The following NAV2 variants were observed in gnomAD, a reference collection of about 807,000 sequenced individuals.
The protein encoded by NAV2 is neuron navigator 2, also known as helicase, APC down-regulated 1.
A neutral mutation model predicts 223.2 loss-of-function variants in NAV2; 54 were observed. The ratio of observed to expected loss-of-function variants is 0.24; its 90% CI spans 0.19 to 0.30. The LOEUF (loss-of-function observed/expected upper bound fraction) is 0.30. Ranked by LOEUF, NAV2 falls within the 10% of genes least tolerant of loss-of-function variation. NAV2 has a pLI of 1.00. For missense variants in NAV2, 2,806 were observed against 3,147.5 expected, an observed-to-expected ratio of 0.89 and a Z score of 2.60; for synonymous variants, 1,279 against 1,239.3, an observed-to-expected ratio of 1.03 and a Z score of -0.67.
intron 10 of NAV2, among the ~76,000 whole-genome samples, chr11:19,960,589 TTTTATTTA>T (rs5790101): frequency 0.031 from 4,325 of 141,676 alleles, 215 homozygotes; most frequent in African/African-American, 0.1. Context: ...TTTTTTAAAA[TTTTATTTA>T]TTTATTTATT....
At chr11:19,345,246 C>T in the NAV2 span, among the ~76,000 whole-genome samples, 2 of 152,176 alleles carry the variant, frequency 1.3e-5, no homozygotes, top group African/African-American at 2.4e-5. The surrounding 1 kb of genome is among the most constrained non-coding windows in gnomAD (Gnocchi z 5.2). Flanking sequence ...GGCTGAGAAG[C>T]GCGGGCCGGA....
chr11:19,345,663 C>T, the NAV2 span, among the ~76,000 whole-genome samples: 105 of 152,326 alleles, frequency 6.9e-4, no homozygotes, highest in African/African-American at 2.4e-3. This position sits in a 1 kb window ranked among gnomAD's most constrained non-coding sequence, Gnocchi z 5.2. Context: ...GGAAACTCTT[C>T]CCCAGCAGAT....
At chr11:19,836,425 C>T (rs1038501218) in intron 2 of NAV2, among the ~76,000 whole-genome samples, 1 of 151,858 alleles carries the variant, frequency 6.6e-6, no homozygotes, top group Non-Finnish European at 1.5e-5. Flanking sequence ...GGCGCGGTGG[C>T]GGGCGCCTGT....
intron 1 of NAV2, among the ~76,000 whole-genome samples, chr11:19,679,144 A>G (rs994017789): frequency 1.3e-5 from 2 of 152,244 alleles, no homozygotes; most frequent in African/African-American, 4.8e-5. Context: ...CAAGATTTTG[A>G]GGCTGGCTGG....
At chr11:19,894,043 G>T (rs1305583957) in intron 6 of NAV2, among the ~76,000 whole-genome samples, 1 of 152,140 alleles carries the variant, frequency 6.6e-6, no homozygotes, top group Non-Finnish European at 1.5e-5. Flanking sequence ...ATGTATTTGT[G>T]TGTGTATATA....
Position 19,892,576 on chromosome 11 carries a change from C to T in NAV2, c.913C>T (p.Pro305Ser). The change falls in exon 6 of 38, where the codon CCA becomes TCA. Residue 305 changes from proline (P) to serine (S), a missense_variant. This residue lies in a region of NAV2 where 1,167 missense variants were observed against 1,180.5 expected (regional missense o/e 0.99). Coordinates refer to ENST00000349880, the MANE Select transcript of NAV2 (RefSeq NM_145117.5). ...ACCAGTCACCTCCCCACCCCCACCGCCAAGCAGCCACGAGAAAGGTGAGTC... is the reference window on the plus strand; with the variant it reads ...ACCAGTCACCTCCCCACCCCCACCGTCAAGCAGCCACGAGAAAGGTGAGTC... ...SKPVTSPPPP[P>S]SSHEKEPLAS... The T allele has an allele frequency of 6.2e-7, 1 of 1,613,870 alleles. No individual in the cohort carries two copies. Among genetic ancestry groups the T allele is most frequent in the Non-Finnish European group, 8.5e-7 (1 of 1,179,926 alleles).
chr11:19,482,184 G>A (rs1355450806), intron 1 of NAV2, among the ~76,000 whole-genome samples: 1 of 152,112 alleles, frequency 6.6e-6, no homozygotes, highest in Non-Finnish European at 1.5e-5. Flanking sequence ...AACAACCCAA[G>A]AAGGCAAGTA....
At chr11:20,082,628 T>C (rs2060163471) in intron 25 of NAV2, 2 of 1,610,102 alleles carry the variant, frequency 1.2e-6, no homozygotes, top group South Asian at 1.1e-5. Context: ...TAATATCAGA[T>C]ACCAAGCTAA....
chr11:19,867,940 A>C (rs185276284), intron 3 of NAV2, among the ~76,000 whole-genome samples: 65 of 152,350 alleles, frequency 4.3e-4, no homozygotes, highest in African/African-American at 1.5e-3. Context: ...GTGAAGGAGC[A>C]TTGGGAAATT....
intron 1 of NAV2, among the ~76,000 whole-genome samples, chr11:19,369,723 C>G (rs945312390): frequency 1.3e-5 from 2 of 152,170 alleles, no homozygotes; most frequent in African/African-American, 2.4e-5. Context: ...CCCCAGCATA[C>G]TCTATCTGAA....
intron 5 of NAV2, among the ~76,000 whole-genome samples, chr11:19,888,732 G>A (rs932153938): frequency 3.9e-5 from 6 of 151,964 alleles, no homozygotes; most frequent in Non-Finnish European, 7.4e-5. Flanking sequence ...GCACACACCA[G>A]CTCTTTCTTT....
At chr11:19,499,328 T>C (rs2134137973) in intron 1 of NAV2, among the ~76,000 whole-genome samples, 1 of 152,348 alleles carries the variant, frequency 6.6e-6, no homozygotes, top group South Asian at 2.1e-4. Context: ...GTTGTTGTTG[T>C]TGTTTTTAAA....
At chr11:19,372,255 C>T (rs1848496789) in intron 1 of NAV2, among the ~76,000 whole-genome samples, 1 of 152,156 alleles carries the variant, frequency 6.6e-6, no homozygotes, top group Admixed American at 6.5e-5. Flanking sequence ...TCCTTTTATA[C>T]CATAGCATCT....
chr11:19,529,715 G>T (rs572138885), intron 1 of NAV2, among the ~76,000 whole-genome samples: 22 of 152,098 alleles, frequency 1.4e-4, no homozygotes, highest in Non-Finnish European at 2.5e-4. Flanking sequence ...AGTTGCTGAG[G>T]GAATAGGACA....
chr11:19,838,499 C>T (rs2060347343), intron 2 of NAV2, among the ~76,000 whole-genome samples: 1 of 152,188 alleles, frequency 6.6e-6, no homozygotes, highest in African/African-American at 2.4e-5. Context: ...CGGGCAGGGC[C>T]ACCAGGTATA....
Position 19,596,585 on chromosome 11 carries a change from C to T in NAV2, c.76-235899C>T, listed in dbSNP as rs1046553886. On this transcript the variant is annotated intron_variant, in intron 1 of 37. Coordinates refer to the NAV2 transcript ENST00000360655. ...CAGGCTGTCTGGGAGCTTGGCCAGCCTCCCACTGCCCCGGACACCAGGGCA... is the reference window on the plus strand; with the variant it reads ...CAGGCTGTCTGGGAGCTTGGCCAGCTTCCCACTGCCCCGGACACCAGGGCA... 5.3e-5 allele frequency among the ~76,000 whole-genome samples: 8 copies of T among 152,308 alleles called. 2 individuals carry two copies. The highest frequency in any genetic ancestry group is 4.6e-4 in the Admixed American group (7 of 15,302).
chr11:19,718,314 T>C (rs991726139), intron 1 of NAV2, among the ~76,000 whole-genome samples: 2 of 152,220 alleles, frequency 1.3e-5, no homozygotes, highest in Non-Finnish European at 2.9e-5. Context: ...TTAGCCTATT[T>C]TTAAGAAGCA....
At position 19,862,442 on chromosome 11, in the gene NAV2, C is replaced by T. The variant is rs548037421; in HGVS notation, c.439-6483C>T. ...AGAGCTTGAGCCGGCTTGCTGTAAACGTTGATGCTTGAATAGCCAAAGCTG... is the reference window on the plus strand; with the variant it reads ...AGAGCTTGAGCCGGCTTGCTGTAAATGTTGATGCTTGAATAGCCAAAGCTG... On this transcript the variant is annotated intron_variant, in intron 3 of 37. Coordinates refer to ENST00000349880, the MANE Select transcript of NAV2 (RefSeq NM_145117.5). Among the ~76,000 whole-genome samples the T allele has an allele frequency of 3.9e-5, 6 of 152,304 alleles. No homozygotes were observed. In the East Asian group the frequency reaches 1.2e-3, roughly 29 times the overall value.
At chr11:19,575,463 C>T (rs2045545627) in intron 1 of NAV2, 1 of 154,002 alleles carries the variant, frequency 6.5e-6, no homozygotes, top group South Asian at 2.1e-4. Flanking sequence ...CACGCCTGGC[C>T]CTAGCCTTGC....
Sources: gnomAD v4.1 joint callset for allele counts (sites outside exome capture counted in the v4.1 genomes callset) on GRCh38, gnomAD v4.1.1 for gene constraint, gnomAD v4.1.1 regional missense constraint, Gnocchi (gnomAD v3.1) non-coding constraint, MANE v1.5 for transcripts, NCBI Gene and HGNC (gene_info 2026-07-23, HGNC 2026-07-21) for gene names.